The following HCN1 variants were observed in gnomAD, a reference collection of about 807,000 sequenced individuals.
HCN1 encodes hyperpolarization activated cyclic nucleotide gated potassium channel 1.
In HCN1, 13 loss-of-function variants were observed where a neutral mutation model predicts 78.9. The ratio of observed to expected loss-of-function variants is 0.16; its 90% confidence interval spans 0.11 to 0.26. The LOEUF is 0.26. Ranked by LOEUF, HCN1 falls within the 10% of genes least tolerant of loss-of-function variation. The probability of loss-of-function intolerance (pLI) is 1.00; values close to 1 mark genes in which losing one functional copy is unlikely to be tolerated. For missense variants in HCN1, 810 were observed against 1,154.3 expected, an observed-to-expected ratio of 0.70 and a Z score of 4.32; for synonymous variants, 552 against 455.5, an observed-to-expected ratio of 1.21 and a Z score of -2.70.
chr5:45,370,820 T>C (rs1747338727), intron 4 of HCN1, among the ~76,000 whole-genome samples: 1 of 152,060 alleles, frequency 6.6e-6, no homozygotes, highest in Non-Finnish European at 1.5e-5. Context: ...AAGATAAATA[T>C]TTTTTATGTG....
intron 2 of HCN1, among the ~76,000 whole-genome samples, chr5:45,628,280 T>G (rs560167037): frequency 6.6e-6 from 1 of 152,344 alleles, no homozygotes; most frequent in South Asian, 2.1e-4. Context: ...ATGGCTCACA[T>G]GTTCCCACAC....
intron 2 of HCN1, among the ~76,000 whole-genome samples, chr5:45,519,996 C>T (rs1431653829): frequency 6.6e-6 from 1 of 151,806 alleles, no homozygotes; most frequent in African/African-American, 2.4e-5. Context: ...GAATTCATTG[C>T]CACAAAATAC....
chr5:45,493,026 T>C (rs560745247), intron 2 of HCN1, among the ~76,000 whole-genome samples: 15 of 152,206 alleles, frequency 9.9e-5, no homozygotes, highest in Non-Finnish European at 1.9e-4. Flanking sequence ...GAGAGAATCA[T>C]TCTTTCTTAT....
intron 2 of HCN1, among the ~76,000 whole-genome samples, chr5:45,569,544 TTTAA>T (rs1376819868): frequency 2.0e-5 from 3 of 152,060 alleles, no homozygotes; most frequent in Non-Finnish European, 4.4e-5. Context: ...TAGAGTTCTA[TTTAA>T]TTAATTAATT....
rs1747944552 is a variant in HCN1, at chr5:45,387,332, T to C, written c.1230+9160A>G. ...ACTATTTATGATACAAATAATATAA[T>C]TATGTTTTATACAAATTTCCTTTTC... On this transcript the variant is annotated intron_variant, in intron 4 of 7. Coordinates refer to ENST00000303230, the MANE Select transcript of HCN1 (RefSeq NM_021072.4). 2.6e-5 allele frequency among the ~76,000 whole-genome samples: 4 copies of C among 152,098 alleles called. No homozygotes were observed. The South Asian group carries it at 8.3e-4, about 31-fold the overall frequency.
chr5:45,503,389 G>A (rs1261563537), intron 2 of HCN1, among the ~76,000 whole-genome samples: 1 of 152,064 alleles, frequency 6.6e-6, no homozygotes, highest in Non-Finnish European at 1.5e-5. Flanking sequence ...AGCTAGGGAA[G>A]AAGAGAAAAA....
At chr5:45,520,119 T>C (rs571767896) in intron 2 of HCN1, among the ~76,000 whole-genome samples, 4 of 152,142 alleles carry the variant, frequency 2.6e-5, no homozygotes, top group Non-Finnish European at 1.5e-5. Context: ...TATGTGTGCT[T>C]AGGTTGGTCC....
intron 5 of HCN1, among the ~76,000 whole-genome samples, chr5:45,338,936 G>A (rs1746518882): frequency 6.6e-6 from 1 of 152,024 alleles, no homozygotes; most frequent in Non-Finnish European, 1.5e-5. Flanking sequence ...CAAATAAACT[G>A]TTAACTTATG....
chr5:45,387,372 G>T (rs150066683), intron 4 of HCN1, among the ~76,000 whole-genome samples: 2 of 152,030 alleles, frequency 1.3e-5, no homozygotes, highest in African/African-American at 4.8e-5. Context: ...GAATGGCAGA[G>T]AAAAATCCAC....
intron 2 of HCN1, among the ~76,000 whole-genome samples, chr5:45,587,902 A>T (rs1241132971): frequency 6.6e-6 from 1 of 152,068 alleles, no homozygotes; most frequent in East Asian, 1.9e-4. Flanking sequence ...TGCCCTTATT[A>T]ATGAGGTCAC....
At chr5:45,694,818 C>T (rs999160383) in intron 1 of HCN1, among the ~76,000 whole-genome samples, 2 of 152,188 alleles carry the variant, frequency 1.3e-5, no homozygotes, top group African/African-American at 4.8e-5. Flanking sequence ...GATCAGAAAA[C>T]GTCTTAATTT....
chr5:45,377,997 G>C (rs1388274813), intron 4 of HCN1, among the ~76,000 whole-genome samples: 3 of 152,002 alleles, frequency 2.0e-5, no homozygotes, highest in Non-Finnish European at 4.4e-5. Flanking sequence ...GTATAAAGAT[G>C]ACCCAAAAGA....
chr5:45,658,605 C>A (rs891269007), intron 1 of HCN1, among the ~76,000 whole-genome samples: 1 of 151,610 alleles, frequency 6.6e-6, no homozygotes, highest in African/African-American at 2.4e-5. Flanking sequence ...GCGCACCGTG[C>A]GCGAGCCGAA....
chr5:45,342,661 T>A (rs1328440957), intron 5 of HCN1, among the ~76,000 whole-genome samples: 1 of 152,186 alleles, frequency 6.6e-6, no homozygotes, highest in Non-Finnish European at 1.5e-5. Context: ...ATAGCAGATA[T>A]TTAGCCTCAT....
intron 1 of HCN1, among the ~76,000 whole-genome samples, chr5:45,647,471 CTGT>C (rs2112035334): frequency 6.6e-6 from 1 of 152,282 alleles, no homozygotes; most frequent in East Asian, 1.9e-4. Context: ...CCCTTCAAGG[CTGT>C]TGTTCCCCTG....
intron 6 of HCN1, among the ~76,000 whole-genome samples, chr5:45,286,640 TA>T (rs1561089087): frequency 6.6e-6 from 1 of 152,024 alleles, no homozygotes; most frequent in East Asian, 1.9e-4. Context: ...TTGAAAATAT[TA>T]GACACATCTT....
At chr5:45,612,285 T>C (rs971345854) in intron 2 of HCN1, among the ~76,000 whole-genome samples, 5 of 152,198 alleles carry the variant, frequency 3.3e-5, no homozygotes, top group Non-Finnish European at 7.3e-5. Flanking sequence ...CAAACTTTAA[T>C]GGCAATTATT....
chr5:45,630,844 T>C (rs1745258693), intron 2 of HCN1, among the ~76,000 whole-genome samples: 1 of 152,318 alleles, frequency 6.6e-6, no homozygotes, highest in Non-Finnish European at 1.5e-5. Context: ...ATTTGTCTTT[T>C]ACTCATATGA....
intron 6 of HCN1, among the ~76,000 whole-genome samples, chr5:45,293,786 C>G (rs1173751028): frequency 6.6e-6 from 1 of 151,910 alleles, no homozygotes; most frequent in Non-Finnish European, 1.5e-5. Context: ...TGACTAGCAT[C>G]TCTCTCACAC....
Sources: gnomAD v4.1 joint callset for allele counts (sites outside exome capture counted in the v4.1 genomes callset) on GRCh38, gnomAD v4.1.1 for gene constraint, MANE v1.5 for transcripts, NCBI Gene and HGNC (gene_info 2026-07-23, HGNC 2026-07-21) for gene names.